Variants in PTPRM observed in about 807,000 individuals in gnomAD.
PTPRM encodes receptor-type tyrosine-protein phosphatase mu.
A neutral mutation model predicts 186.7 loss-of-function variants in PTPRM; 47 were observed. That is an observed-to-expected ratio of 0.25 (90% CI 0.20 to 0.32). The LOEUF (loss-of-function observed/expected upper bound fraction) is 0.32, where lower values mean the gene tolerates loss of function less well. Ranked by LOEUF, PTPRM falls within the 10% of genes least tolerant of loss-of-function variation. PTPRM has a pLI of 1.00. For missense variants in PTPRM, 1,494 were observed against 1,865.0 expected, an observed-to-expected ratio of 0.80 and a Z score of 3.66; for synonymous variants, 668 against 674.9, an observed-to-expected ratio of 0.99 and a Z score of 0.16.
intron 1 of PTPRM, among the ~76,000 whole-genome samples, chr18:7,681,821 T>A (rs2039488334): frequency 1.3e-5 from 2 of 152,168 alleles, no homozygotes; most frequent in African/African-American, 4.8e-5. Context: ...GAGATAAGTA[T>A]GTTTATGGTT....
At chr18:8,176,905 A>G (rs1601022275) in intron 14 of PTPRM, among the ~76,000 whole-genome samples, 1 of 152,200 alleles carries the variant, frequency 6.6e-6, no homozygotes, top group East Asian at 1.9e-4. Flanking sequence ...TTGACAGTTT[A>G]GTTCTAATTA....
rs190605484 is a variant in PTPRM at position 7,704,821 on chromosome 18, A to G, written c.74-69328A>G. Among the ~76,000 whole-genome samples, 323 of 152,304 alleles carry G rather than the reference A, an allele frequency of 2.1e-3. 1 individual carries two copies. Among genetic ancestry groups the G allele is most frequent in the Non-Finnish European group, 3.4e-3 (233 of 68,004 alleles). On this transcript the variant is annotated intron_variant, in intron 1 of 32. Transcript: ENST00000580170. Reference sequence around the variant, plus strand: ...TTATTTAAATCTGTGAAACTGAGAAAGATTGAAAAATATAGTAGACAATCT... The same window carrying G: ...TTATTTAAATCTGTGAAACTGAGAAGGATTGAAAAATATAGTAGACAATCT...
chr18:7,780,125 G>A (rs1374705192), intron 2 of PTPRM, among the ~76,000 whole-genome samples: 1 of 152,166 alleles, frequency 6.6e-6, no homozygotes, highest in Non-Finnish European at 1.5e-5. Flanking sequence ...TTAGGCAAGT[G>A]GCAGCACAGT....
At chr18:8,313,826 G>A (rs1199972658) in intron 20 of PTPRM, among the ~76,000 whole-genome samples, 1 of 151,866 alleles carries the variant, frequency 6.6e-6, no homozygotes, top group Non-Finnish European at 1.5e-5. Context: ...CCATTTATGA[G>A]TGACAACATA....
intron 14 of PTPRM, among the ~76,000 whole-genome samples, chr18:8,224,758 A>G (rs1460596023): frequency 6.6e-6 from 1 of 152,236 alleles, no homozygotes; most frequent in Non-Finnish European, 1.5e-5. Context: ...TTCATCCTGT[A>G]GAATTCCCCC....
intron 1 of PTPRM, among the ~76,000 whole-genome samples, chr18:7,646,856 C>T (rs1598290395): frequency 6.6e-6 from 1 of 151,964 alleles, no homozygotes; most frequent in Non-Finnish European, 1.5e-5. Context: ...GGCTTGTGTT[C>T]ACATCATCCT....
At chr18:7,692,758 A>G (rs76451328) in intron 1 of PTPRM, among the ~76,000 whole-genome samples, 4,226 of 152,328 alleles carry the variant, frequency 0.028, 76 homozygotes, top group Non-Finnish European at 0.04. Context: ...GCAACATGCC[A>G]TACCTCGTGT....
At chr18:7,759,060 C>T (rs910789016) in intron 1 of PTPRM, among the ~76,000 whole-genome samples, 7 of 152,282 alleles carry the variant, frequency 4.6e-5, no homozygotes, top group Admixed American at 3.3e-4. Flanking sequence ...CAAGGGGTTG[C>T]AGCTACTAAG....
Position 8,126,023 on chromosome 18 carries a change from A to ATTTTTTTTT in PTPRM, c.2167+11197_2167+11198insTTTTTTTTT, listed in dbSNP as rs1345519818. 2.1e-3 allele frequency among the ~76,000 whole-genome samples: 96 copies of ATTTTTTTTT among 46,010 alleles called. 5 individuals are homozygous for ATTTTTTTTT. The highest frequency in any genetic ancestry group is 5.1e-3 in the South Asian group (7 of 1,376). 30.2% of individuals were successfully genotyped at this position (46,010 alleles called of 152,430 possible). A position where few individuals can be genotyped will look rare whatever the true frequency, so the allele number is the denominator to read the frequency against. On this transcript the variant is annotated intron_variant, in intron 13 of 32. Coordinates refer to ENST00000580170, the MANE Select transcript of PTPRM (RefSeq NM_001105244.2). ...TATATATATATATATATATATATAT[A>ATTTTTTTTT]TATATTTTAAATCAGTAGACCTTTC...
intron 7 of PTPRM, among the ~76,000 whole-genome samples, chr18:8,009,253 A>G (rs1427727442): frequency 6.6e-6 from 1 of 152,048 alleles, no homozygotes; most frequent in Non-Finnish European, 1.5e-5. Context: ...GTCATTCTGA[A>G]GGATGTGGCT....
chr18:8,398,057 C>G (rs1466038991), intron 32 of PTPRM, among the ~76,000 whole-genome samples: 1 of 152,190 alleles, frequency 6.6e-6, no homozygotes, highest in Admixed American at 6.5e-5. Flanking sequence ...ACTGCAGCCT[C>G]AAACCCCTGG....
chr18:7,600,187 CAT>C (rs2037364708), intron 1 of PTPRM, among the ~76,000 whole-genome samples: 1 of 152,174 alleles, frequency 6.6e-6, no homozygotes, highest in Non-Finnish European at 1.5e-5. Flanking sequence ...TGAGATGCCT[CAT>C]GTGTAGAGCG....
intron 19 of PTPRM, among the ~76,000 whole-genome samples, chr18:8,259,737 T>C (rs2147475712): frequency 6.6e-6 from 1 of 152,208 alleles, no homozygotes; most frequent in Admixed American, 6.5e-5. Flanking sequence ...AACCTTCGCC[T>C]CCTGGGTTCA....
chr18:8,034,656 G>A (rs942725215), intron 7 of PTPRM, among the ~76,000 whole-genome samples: 5 of 152,126 alleles, frequency 3.3e-5, no homozygotes, highest in African/African-American at 7.2e-5. Context: ...GCTCCACTCT[G>A]GGCTCACAGT....
chr18:8,099,597 C>T (rs7240444), intron 11 of PTPRM, among the ~76,000 whole-genome samples: 1,587 of 152,054 alleles, frequency 0.01, 14 homozygotes, highest in African/African-American at 0.022. Flanking sequence ...AACAGATTAC[C>T]GTGGATGGAT....
chr18:7,659,775 G>A (rs192442007), intron 1 of PTPRM, among the ~76,000 whole-genome samples: 2 of 152,328 alleles, frequency 1.3e-5, no homozygotes, highest in East Asian at 3.9e-4. Context: ...AGACTCAAGT[G>A]TCAATGGGTT....
chr18:7,954,876 A>G (rs535761459), intron 6 of PTPRM, among the ~76,000 whole-genome samples: 1 of 152,314 alleles, frequency 6.6e-6, no homozygotes, highest in Non-Finnish European at 1.5e-5. Context: ...TTGGTGTCCT[A>G]AAACAAATTA....
At chr18:8,250,006 G>A (rs141275775) in intron 17 of PTPRM, among the ~76,000 whole-genome samples, 6 of 152,234 alleles carry the variant, frequency 3.9e-5, no homozygotes, top group African/African-American at 9.6e-5. Context: ...TTGAAACCAC[G>A]GAAGAATTTA....
At chr18:8,007,975 G>T (rs1174711117) in intron 7 of PTPRM, among the ~76,000 whole-genome samples, 1 of 152,144 alleles carries the variant, frequency 6.6e-6, no homozygotes. Flanking sequence ...CTTCCCGCTT[G>T]TGGTGCTGTC....
Sources: allele counts gnomAD v4.1 joint callset (sites outside exome capture counted in the v4.1 genomes callset), GRCh38; gene constraint gnomAD v4.1.1; transcripts MANE v1.5; gene names NCBI Gene and HGNC (gene_info 2026-07-23, HGNC 2026-07-21).